SRGAP1: variants seen among roughly 807,000 people sequenced by gnomAD.
SRGAP1 encodes SLIT-ROBO Rho GTPase activating protein 1, also known as SLIT-ROBO Rho GTPase-activating protein 1.
SRGAP1 carries 43 observed loss-of-function variants against 121.9 expected under a neutral mutation model. That is an observed-to-expected ratio of 0.35 (90% CI 0.28 to 0.46). The LOEUF (loss-of-function observed/expected upper bound fraction) is 0.46. Among genes scored for constraint, SRGAP1 ranks in the 20% least tolerant of loss-of-function variants. The probability of loss-of-function intolerance (pLI) is 1.00; values close to 1 mark genes in which losing one functional copy is unlikely to be tolerated. For synonymous variants in SRGAP1, 447 were observed against 485.4 expected (o/e 0.92, Z 1.04); for missense variants, 1,102 against 1,350.9 (o/e 0.82, Z 2.89).
At chr12:63,961,788 A>G (rs991044614) in intron 1 of SRGAP1, among the ~76,000 whole-genome samples, 2 of 152,226 alleles carry the variant, frequency 1.3e-5, no homozygotes, top group African/African-American at 4.8e-5. Flanking sequence ...TGATTCGTCA[A>G]TAAATAGTTG....
intron 8 of SRGAP1, among the ~76,000 whole-genome samples, chr12:64,072,337 G>T (rs1197710680): frequency 1.3e-5 from 2 of 152,030 alleles, no homozygotes; most frequent in Non-Finnish European, 2.9e-5. Context: ...TGCATCAGGT[G>T]CAAGGTACAA....
At chr12:63,862,204 C>T (rs1899478970) in intron 1 of SRGAP1, among the ~76,000 whole-genome samples, 1 of 152,162 alleles carries the variant, frequency 6.6e-6, no homozygotes, top group Non-Finnish European at 1.5e-5. Flanking sequence ...TAATTCTTTA[C>T]ATATCAAAAC....
chr12:63,871,442 G>A (rs1899851086), intron 1 of SRGAP1, among the ~76,000 whole-genome samples: 1 of 152,124 alleles, frequency 6.6e-6, no homozygotes, highest in African/African-American at 2.4e-5. Context: ...ATGTGCTTTT[G>A]AACTAAGGAA....
chr12:63,856,886 A>G (rs993325404), intron 1 of SRGAP1, among the ~76,000 whole-genome samples: 3 of 152,344 alleles, frequency 2.0e-5, no homozygotes, highest in East Asian at 1.9e-4. Flanking sequence ...AAGAATTGGC[A>G]TCTATATATT....
At chr12:63,878,447 CAG>C (rs1900094461) in intron 1 of SRGAP1, among the ~76,000 whole-genome samples, 1 of 152,184 alleles carries the variant, frequency 6.6e-6, no homozygotes, top group African/African-American at 2.4e-5. Context: ...TTTTTAAAAT[CAG>C]AGATAAATTC....
intron 1 of SRGAP1, among the ~76,000 whole-genome samples, chr12:63,871,451 A>C (rs1899851460): frequency 6.6e-6 from 1 of 152,204 alleles, no homozygotes; most frequent in South Asian, 2.1e-4. Flanking sequence ...TGAACTAAGG[A>C]AAAAGAACAC....
Position 64,099,268 on chromosome 12 carries a change from G to A in SRGAP1, c.1813+1893G>A, listed in dbSNP as rs1295568649. Among the ~76,000 whole-genome samples, 4 of 152,268 alleles carry A rather than the reference G, an allele frequency of 2.6e-5. No homozygotes were observed. In the East Asian group the frequency reaches 7.7e-4, roughly 29 times the overall value. On this transcript the variant is annotated intron_variant, in intron 15 of 21. Transcript: ENST00000355086. ...TCATAGGGTTGTGAGAATTTAGTGA[G>A]TTAATATGTGTAAAATGCCAAGAAG...
At chr12:63,902,434 G>T (rs1240434718) in intron 1 of SRGAP1, among the ~76,000 whole-genome samples, 1 of 152,110 alleles carries the variant, frequency 6.6e-6, no homozygotes, top group Non-Finnish European at 1.5e-5. Flanking sequence ...AATCTCCAGG[G>T]TGTTTCAGGG....
At chr12:64,099,792 C>T (rs1247877941) in intron 15 of SRGAP1, among the ~76,000 whole-genome samples, 1 of 152,200 alleles carries the variant, frequency 6.6e-6, no homozygotes, top group Non-Finnish European at 1.5e-5. Context: ...GTCCATACAT[C>T]ATGTCAGCTG....
At chr12:64,116,010 G>A (rs997462542) in intron 18 of SRGAP1, 117 bp downstream of exon 18, 36 of 901,870 alleles carry the variant, frequency 4.0e-5, no homozygotes, top group African/African-American at 2.1e-4. Flanking sequence ...ATCCCAGCAC[G>A]TTGGGAAGCC....
intron 1 of SRGAP1, among the ~76,000 whole-genome samples, chr12:63,963,234 T>C (rs1565972260): frequency 6.6e-6 from 1 of 152,192 alleles, no homozygotes; most frequent in Non-Finnish European, 1.5e-5. Context: ...ATGAGCTTCT[T>C]TTAAATATGA....
chr12:63,949,087 C>CCATAGGGGTATTTTCCATATATATACATT (rs2032177864), intron 1 of SRGAP1, among the ~76,000 whole-genome samples: 1 of 90,832 alleles, frequency 1.1e-5, no homozygotes, highest in Non-Finnish European at 2.3e-5. Context: ...TATGTATTTT[C>CCATAGGGGTATTTTCCATATATATACATT]CATATATGTA....
intron 1 of SRGAP1, among the ~76,000 whole-genome samples, chr12:63,949,185 A>T (rs1415338172): frequency 6.2e-5 from 6 of 96,252 alleles, no homozygotes; most frequent in East Asian, 4.3e-4. Flanking sequence ...TTCCATATAT[A>T]TTTTTTTTTC....
chr12:64,109,051 T>C lies in SRGAP1; in HGVS notation c.1919+14T>C. ...CTTCCTCAATCAGTAAGTACCTGAA[T>C]GCTCTGACAAAAGGCCCATCTGAAT... On this transcript the variant is annotated intron_variant, in intron 16 of 21. Coordinates refer to ENST00000355086, the MANE Select transcript of SRGAP1 (RefSeq NM_020762.4). 6.7e-7 allele frequency: 1 copy of C among 1,489,240 alleles called. No individual in the cohort carries two copies. Among genetic ancestry groups the C allele is most frequent in the South Asian group, 1.4e-5 (1 of 72,410 alleles). The allele number at this position is 1,489,240 out of a possible 1,614,324, so 92.3% of individuals were successfully genotyped here.
chr12:63,887,119 C>A (rs945735646), intron 1 of SRGAP1, among the ~76,000 whole-genome samples: 1 of 151,458 alleles, frequency 6.6e-6, no homozygotes, highest in Non-Finnish European at 1.5e-5. Context: ...GGTGATCCAC[C>A]TGCTTCAGCC....
intron 1 of SRGAP1, among the ~76,000 whole-genome samples, chr12:63,978,135 A>G (rs2033141391): frequency 1.3e-5 from 2 of 152,240 alleles, no homozygotes; most frequent in Non-Finnish European, 2.9e-5. Flanking sequence ...TATTACTGCT[A>G]TCATCATTAT....
At position 64,142,999 on chromosome 12, in the gene SRGAP1, C is replaced by T. The variant is rs894504208; in HGVS notation, c.*327C>T. On this transcript the variant is annotated 3_prime_UTR_variant, in exon 22 of 22. Coordinates refer to ENST00000355086, the MANE Select transcript of SRGAP1 (RefSeq NM_020762.4). ...GAGCTTCAGGTTTAATGTAGCCCAG[C>T]TGAGTCAGAAAGGTTGTGACCTGAA... 7.7e-6 allele frequency: 2 copies of T among 258,382 alleles called. No homozygotes were observed. The highest frequency in any genetic ancestry group is 4.4e-5 in the African/African-American group (2 of 45,650). The allele number at this position is 258,382 out of a possible 1,614,324, so 16.0% of individuals were successfully genotyped here. A position where few individuals can be genotyped will look rare whatever the true frequency, so the allele number is the denominator to read the frequency against.
intron 1 of SRGAP1, among the ~76,000 whole-genome samples, chr12:63,952,448 T>G (rs1176047501): frequency 6.6e-6 from 1 of 152,134 alleles, no homozygotes; most frequent in African/African-American, 2.4e-5. Context: ...CCCAGGAGTT[T>G]GAGGCTGCAG....
intron 1 of SRGAP1, among the ~76,000 whole-genome samples, chr12:63,893,600 A>G (rs768442392): frequency 5.9e-4 from 90 of 152,300 alleles, no homozygotes; most frequent in Non-Finnish European, 2.5e-4. Flanking sequence ...GAATGGTCCT[A>G]TCCTCTCATT....
Sources: gnomAD v4.1 joint callset for allele counts (sites outside exome capture counted in the v4.1 genomes callset) on GRCh38, gnomAD v4.1.1 for gene constraint, MANE v1.5 for transcripts, NCBI Gene and HGNC (gene_info 2026-07-23, HGNC 2026-07-21) for gene names.